Variants in GNAZ observed in about 807,000 individuals in gnomAD.
GNAZ encodes the protein guanine nucleotide-binding protein G(z) subunit alpha.
Under a neutral mutation model 25.4 loss-of-function variants are expected in GNAZ, and 3 were observed. The observed-to-expected ratio is 0.12, with a 90% confidence interval of 0.05 to 0.30. The LOEUF is 0.30. Ranked by LOEUF, GNAZ falls within the 10% of genes least tolerant of loss-of-function variation. GNAZ has a pLI of 1.00. For missense variants in GNAZ, 241 were observed against 501.8 expected, an observed-to-expected ratio of 0.48 and a Z score of 4.97; for synonymous variants, 211 against 205.7, an observed-to-expected ratio of 1.03 and a Z score of -0.22.
At chr22:23,082,362 C>T (rs984169413) in intron 1 of GNAZ, among the ~76,000 whole-genome samples, 53 of 149,302 alleles carry the variant, frequency 3.5e-4, no homozygotes, top group African/African-American at 1.3e-3. Context: ...CAGGCGCACA[C>T]CACCACACCT....
intron 2 of GNAZ, among the ~76,000 whole-genome samples, chr22:23,105,889 G>C (rs1375481091): frequency 6.6e-6 from 1 of 152,246 alleles, no homozygotes; most frequent in African/African-American, 2.4e-5. Flanking sequence ...AGTCCTCCCA[G>C]TTGGGCAGGA....
At chr22:23,079,092 G>A (rs754299158) in intron 1 of GNAZ, among the ~76,000 whole-genome samples, 29 of 152,336 alleles carry the variant, frequency 1.9e-4, no homozygotes, top group Admixed American at 4.6e-4. Flanking sequence ...GGGCACATGG[G>A]ATACATCAAT....
At chr22:23,101,264 C>T (rs2146332302) in intron 2 of GNAZ, among the ~76,000 whole-genome samples, 1 of 152,278 alleles carries the variant, frequency 6.6e-6, no homozygotes, top group African/African-American at 2.4e-5. Flanking sequence ...GACTCTGGCT[C>T]TCAGGGAGGG....
intron 1 of GNAZ, among the ~76,000 whole-genome samples, chr22:23,085,222 C>T (rs938344798): frequency 5.9e-5 from 9 of 152,222 alleles, no homozygotes; most frequent in Admixed American, 2.6e-4. Context: ...TGCCATTCTA[C>T]ATTTTTCTCT....
chr22:23,108,549 G>A (rs2069551212), intron 2 of GNAZ, among the ~76,000 whole-genome samples: 1 of 152,230 alleles, frequency 6.6e-6, no homozygotes. Flanking sequence ...TTTGCACAGG[G>A]GGCAACCCCA....
At chr22:23,119,080 TCA>T (rs1239149955) in intron 2 of GNAZ, among the ~76,000 whole-genome samples, 1 of 152,178 alleles carries the variant, frequency 6.6e-6, no homozygotes, top group Admixed American at 6.5e-5. Flanking sequence ...CATGCTTGAG[TCA>T]CAGTTTCCAG....
chr22:23,112,529 G>A (rs1403011652), intron 2 of GNAZ, among the ~76,000 whole-genome samples: 2 of 152,208 alleles, frequency 1.3e-5, no homozygotes, highest in Non-Finnish European at 2.9e-5. Context: ...GGCCACGGCA[G>A]GAGGGCGAGA....
chr22:23,105,279 A>G (rs189366430), intron 2 of GNAZ, among the ~76,000 whole-genome samples: 2 of 152,354 alleles, frequency 1.3e-5, no homozygotes, highest in African/African-American at 2.4e-5. Context: ...AGGAGTGACT[A>G]TGGGCAAGGT....
chr22:23,089,086 G>A (rs1025950013), intron 1 of GNAZ, among the ~76,000 whole-genome samples: 18 of 152,204 alleles, frequency 1.2e-4, no homozygotes, highest in Admixed American at 3.3e-4. Flanking sequence ...TTTCCTGGGA[G>A]GTGAGGAGGG....
At chr22:23,077,494 C>T (rs1461372598) in intron 1 of GNAZ, among the ~76,000 whole-genome samples, 1 of 152,286 alleles carries the variant, frequency 6.6e-6, no homozygotes, top group African/African-American at 2.4e-5. Flanking sequence ...GATCTCTGTT[C>T]CAGCAAGGAG....
At chr22:23,087,664 G>A (rs925165333) in intron 1 of GNAZ, among the ~76,000 whole-genome samples, 6 of 152,176 alleles carry the variant, frequency 3.9e-5, no homozygotes, top group Non-Finnish European at 5.9e-5. Flanking sequence ...GTGGATGGGG[G>A]GTAGCCAGTG....
intron 2 of GNAZ, among the ~76,000 whole-genome samples, chr22:23,107,460 G>A (rs1601814418): frequency 2.0e-5 from 3 of 152,302 alleles, no homozygotes; most frequent in Admixed American, 2.0e-4. Context: ...TGAAAACCCA[G>A]GGCCTGAGAG....
chr22:23,084,434 TG>T (rs1331917448), intron 1 of GNAZ, among the ~76,000 whole-genome samples: 20 of 152,168 alleles, frequency 1.3e-4, no homozygotes, highest in Middle Eastern at 6.8e-3. Flanking sequence ...TTCAGCAGGT[TG>T]GGGGAAGTCA....
intron 2 of GNAZ, among the ~76,000 whole-genome samples, chr22:23,101,991 C>T (rs2069315218): frequency 6.6e-6 from 1 of 152,232 alleles, no homozygotes; most frequent in Non-Finnish European, 1.5e-5. Flanking sequence ...TTATCCTACC[C>T]GAGCACTGGA....
Position 23,095,588 on chromosome 22 carries a change from G to A in GNAZ, c.-108G>A, listed in dbSNP as rs1266152905. On this transcript the variant is annotated 5_prime_UTR_variant, in exon 2 of 3. Transcript: ENST00000615612. ...CCTCACCCCCCTGCTGGCACTGAGT[G>A]CCTCCAGGGCAGCTGGGCTCTTGTC... 1.6e-6 allele frequency: 2 copies of A among 1,261,194 alleles called. No individual in the cohort carries two copies. The highest frequency in any genetic ancestry group is 1.5e-5 in the African/African-American group (1 of 66,254). The allele number at this position is 1,261,194 out of a possible 1,614,324, so 78.1% of individuals were successfully genotyped here.
At chr22:23,084,024 G>C (rs1248157539) in intron 1 of GNAZ, among the ~76,000 whole-genome samples, 1 of 152,174 alleles carries the variant, frequency 6.6e-6, no homozygotes, top group East Asian at 1.9e-4. Flanking sequence ...CTTGCTTCTT[G>C]TGGAGTTAAC....
At chr22:23,121,758 G>A (rs997068118) in intron 2 of GNAZ, among the ~76,000 whole-genome samples, 11 of 145,830 alleles carry the variant, frequency 7.5e-5, no homozygotes, top group African/African-American at 2.6e-4. Flanking sequence ...GTCTCGCTGC[G>A]TCGCCCAGAC....
intron 1 of GNAZ, among the ~76,000 whole-genome samples, chr22:23,075,926 C>T (rs1390805403): frequency 6.6e-6 from 1 of 152,104 alleles, no homozygotes; most frequent in Non-Finnish European, 1.5e-5. Context: ...TGAGGTCTGC[C>T]CCTGTGAGTC....
chr22:23,087,955 A>G (rs1259285136), intron 1 of GNAZ, among the ~76,000 whole-genome samples: 4 of 152,224 alleles, frequency 2.6e-5, no homozygotes, highest in African/African-American at 4.8e-5. Flanking sequence ...TGAGTCCTAC[A>G]AAGGCAGTCT....
Sources: gnomAD v4.1 joint callset for allele counts (sites outside exome capture counted in the v4.1 genomes callset) on GRCh38, gnomAD v4.1.1 for gene constraint, MANE v1.5 for transcripts, NCBI Gene and HGNC (gene_info 2026-07-23, HGNC 2026-07-21) for gene names.